TOX3: variants seen among roughly 807,000 people sequenced by gnomAD.
TOX3 encodes the protein TOX high mobility group box family member 3.
TOX3 carries 22 observed loss-of-function variants against 64.3 expected under a neutral mutation model. The observed-to-expected ratio is 0.34, with a 90% CI of 0.24 to 0.49. The LOEUF is 0.49. Among genes scored for constraint, TOX3 ranks in the 20% least tolerant of loss-of-function variants. The probability of loss-of-function intolerance (pLI) is 0.99; values close to 1 mark genes in which losing one functional copy is unlikely to be tolerated. For missense variants in TOX3, 661 were observed against 714.4 expected (o/e 0.93, Z 0.85); for synonymous variants, 291 against 273.6 (o/e 1.06, Z -0.63).
Position 52,531,175 on chromosome 16 carries a change from G to T in TOX3, c.87+15462C>A, listed in dbSNP as rs192599776. Among the ~76,000 whole-genome samples the T allele has an allele frequency of 1.5e-3, 229 of 152,252 alleles. 3 individuals are homozygous for T. Among genetic ancestry groups the T allele is most frequent in the African/African-American group, 5.3e-3 (220 of 41,574 alleles). On this transcript the variant is annotated intron_variant, in intron 1 of 6. Transcript: ENST00000219746. ...CAGAGCAAGGCTTTTATGCCACCAA[G>T]AAAGTTATTTATTATAAACAATGGG...
intron 2 of TOX3, among the ~76,000 whole-genome samples, chr16:52,467,885 T>C (rs1960916247): frequency 6.6e-6 from 1 of 152,130 alleles, no homozygotes; most frequent in Admixed American, 6.5e-5. Context: ...TTTGATTCCA[T>C]CACCCAGTTT....
At chr16:52,446,601 G>T (rs1010838905) in intron 4 of TOX3, among the ~76,000 whole-genome samples, 2 of 151,936 alleles carry the variant, frequency 1.3e-5, no homozygotes, top group Non-Finnish European at 2.9e-5. Flanking sequence ...TAATATTCAG[G>T]ATGTTGATCA....
chr16:52,527,921 C>T (rs888860857), intron 1 of TOX3, among the ~76,000 whole-genome samples: 1 of 152,144 alleles, frequency 6.6e-6, no homozygotes, highest in Non-Finnish European at 1.5e-5. Flanking sequence ...ACTGGGGGTG[C>T]TGCTGGCATC....
chr16:52,475,985 T>G (rs931726567), intron 1 of TOX3, among the ~76,000 whole-genome samples: 1 of 152,186 alleles, frequency 6.6e-6, no homozygotes, highest in African/African-American at 2.4e-5. Flanking sequence ...TGGAAATTCC[T>G]TTTTTTAAAA....
At chr16:52,531,519 G>A (rs781219133) in intron 1 of TOX3, among the ~76,000 whole-genome samples, 19 of 152,282 alleles carry the variant, frequency 1.2e-4, no homozygotes, top group Non-Finnish European at 2.2e-4. Flanking sequence ...CTTAAGTGGT[G>A]TATAAAAAAC....
chr16:52,545,441 A>T (rs1376381693), intron 1 of TOX3, among the ~76,000 whole-genome samples: 2 of 152,182 alleles, frequency 1.3e-5, no homozygotes, highest in Non-Finnish European at 2.9e-5. Context: ...ATAGAAAGGA[A>T]CACGAGCCTC....
intron 1 of TOX3, among the ~76,000 whole-genome samples, chr16:52,495,741 T>C (rs1961833152): frequency 1.3e-5 from 2 of 152,198 alleles, no homozygotes; most frequent in Non-Finnish European, 2.9e-5. Context: ...TCCAAATTCT[T>C]CCACTAGGCA....
chr16:52,458,115 G>C (rs1006024693), intron 3 of TOX3, among the ~76,000 whole-genome samples: 1 of 152,082 alleles, frequency 6.6e-6, no homozygotes, highest in Non-Finnish European at 1.5e-5. Context: ...GATACTTCAA[G>C]CCCCCTCCCC....
intron 1 of TOX3, among the ~76,000 whole-genome samples, chr16:52,528,968 G>A (rs145878569): frequency 6.2e-4 from 94 of 152,258 alleles, no homozygotes; most frequent in Middle Eastern, 3.4e-3. Context: ...AACCACTAGG[G>A]AGCTAACTCA....
Position 52,472,829 on chromosome 16 carries a change from C to T in TOX3, c.88-4255G>A, listed in dbSNP as rs1961087073. Among the ~76,000 whole-genome samples, 3 of 152,118 alleles carry T rather than the reference C, an allele frequency of 2.0e-5. No individual in the cohort carries two copies. The South Asian group carries it at 6.2e-4, about 31-fold the overall frequency. ...TGAGGCACACTGGTGGTAATAGGTCCTTTTCCATGCTGATAGGCTCTAATA... is the reference window on the plus strand; with the variant it reads ...TGAGGCACACTGGTGGTAATAGGTCTTTTTCCATGCTGATAGGCTCTAATA... On this transcript the variant is annotated intron_variant, in intron 1 of 6. Coordinates refer to ENST00000219746, the MANE Select transcript of TOX3 (RefSeq NM_001080430.4).
At chr16:52,441,030 G>A (rs1959965822) in intron 6 of TOX3, among the ~76,000 whole-genome samples, 1 of 152,028 alleles carries the variant, frequency 6.6e-6, no homozygotes, top group South Asian at 2.1e-4. Flanking sequence ...CCAAAGTGCT[G>A]TGATTACAGG....
intron 2 of TOX3, among the ~76,000 whole-genome samples, chr16:52,466,806 C>A (rs773163837): frequency 6.6e-6 from 1 of 151,998 alleles, no homozygotes; most frequent in African/African-American, 2.4e-5. Context: ...AAATGTTAAA[C>A]TACCTTTAAA....
chr16:52,464,277 A>G lies in TOX3; in HGVS notation c.154-89T>C, dbSNP rs1045461631. 8 of 1,314,232 alleles carry G rather than the reference A, an allele frequency of 6.1e-6. No homozygotes were observed. In the East Asian group the frequency reaches 1.6e-4, roughly 27 times the overall value. The allele number at this position is 1,314,232 out of a possible 1,614,324, so 81.4% of individuals were successfully genotyped here. A position where few individuals can be genotyped will look rare whatever the true frequency, so the allele number is the denominator to read the frequency against. On this transcript the variant is annotated intron_variant, in intron 2 of 6. Transcript: ENST00000219746. Reference sequence around the variant, plus strand: ...GGAAAGAGAAAGACATTGCATGAAAACACTACATACATATCTAGGCCAAAT... The same window carrying G: ...GGAAAGAGAAAGACATTGCATGAAAGCACTACATACATATCTAGGCCAAAT...
intron 6 of TOX3, among the ~76,000 whole-genome samples, chr16:52,440,453 A>T (rs1959932096): frequency 6.6e-6 from 1 of 152,212 alleles, no homozygotes; most frequent in African/African-American, 2.4e-5. Flanking sequence ...GCACTCTCTG[A>T]GGATAAATGC....
chr16:52,519,605 A>C, intron 1 of TOX3: 24 of 1,400,692 alleles, frequency 1.7e-5, no homozygotes, highest in East Asian at 2.6e-5. Context: ...AAAAAACAAC[A>C]TGGTTGGGCA....
rs547672987 is a variant in TOX3 at position 52,519,690 on chromosome 16, G to A, written c.87+26947C>T. 1.7e-4 allele frequency: 166 copies of A among 1,000,696 alleles called. 1 individual carries two copies. The highest frequency in any genetic ancestry group is 2.0e-4 in the Non-Finnish European group (149 of 742,544). The allele number at this position is 1,000,696 out of a possible 1,614,324, so 62.0% of individuals were successfully genotyped here. ...GTAGTAGAATGGGCTGGGCGCAGTC[G>A]CTCACACCTGTAATCCCAGCACTTT... On this transcript the variant is annotated intron_variant, in intron 1 of 6. Coordinates refer to ENST00000219746, the MANE Select transcript of TOX3 (RefSeq NM_001080430.4).
At chr16:52,449,047 A>G (rs1197537265) in intron 4 of TOX3, among the ~76,000 whole-genome samples, 1 of 152,134 alleles carries the variant, frequency 6.6e-6, no homozygotes, top group Non-Finnish European at 1.5e-5. Flanking sequence ...CACTCCTAAA[A>G]TGCCTGCTAA....
intron 2 of TOX3, among the ~76,000 whole-genome samples, chr16:52,468,215 ATG>A (rs199797810): frequency 2.6e-5 from 4 of 151,644 alleles, no homozygotes; most frequent in African/African-American, 9.7e-5. Context: ...AACACTGTAT[ATG>A]TGTGTGTGTG....
At chr16:52,447,982 A>G (rs1960214250) in intron 4 of TOX3, among the ~76,000 whole-genome samples, 2 of 152,124 alleles carry the variant, frequency 1.3e-5, no homozygotes, top group Admixed American at 6.5e-5. Context: ...GAGGAGTTCA[A>G]TTTCATTCTC....
Sources: gnomAD v4.1 joint callset for allele counts (sites outside exome capture counted in the v4.1 genomes callset) on GRCh38, gnomAD v4.1.1 for gene constraint, MANE v1.5 for transcripts, NCBI Gene and HGNC (gene_info 2026-07-23, HGNC 2026-07-21) for gene names.